RARB: variants seen among roughly 807,000 people sequenced by gnomAD.
RARB encodes the protein retinoic acid receptor beta, also known as HBV-activated protein.
Under a neutral mutation model 51.9 loss-of-function variants are expected in RARB, and 17 were observed. The ratio of observed to expected loss-of-function variants is 0.33; its 90% confidence interval spans 0.22 to 0.49. The LOEUF (loss-of-function observed/expected upper bound fraction) is 0.49, where lower values mean the gene tolerates loss of function less well. RARB is among the 20% of genes least tolerant of loss of function. The pLI, the probability that RARB is intolerant of heterozygous loss-of-function variation, is 0.99. For missense variants in RARB, 369 were observed against 550.8 expected (o/e 0.67, Z 3.30); for synonymous variants, 215 against 195.4 (o/e 1.10, Z -0.84).
intron 5 of RARB, among the ~76,000 whole-genome samples, chr3:25,290,497 T>A (rs1575287357): frequency 6.6e-6 from 1 of 152,170 alleles, no homozygotes; most frequent in South Asian, 2.1e-4. Flanking sequence ...ATGGCAGCCC[T>A]AGCAAACTAA....
intron 5 of RARB, among the ~76,000 whole-genome samples, chr3:25,284,611 T>C (rs1703605162): frequency 6.6e-6 from 1 of 152,090 alleles, no homozygotes; most frequent in Non-Finnish European, 1.5e-5. Flanking sequence ...CAGCAACCCA[T>C]AAATCCCTGC....
intron 5 of RARB, among the ~76,000 whole-genome samples, chr3:25,394,460 T>G (rs771890553): frequency 5.3e-5 from 8 of 152,172 alleles, no homozygotes; most frequent in Non-Finnish European, 1.2e-4. Flanking sequence ...TTGTTGACTT[T>G]CTGTGTTGAT....
At chr3:25,193,013 A>G (rs2363531) in intron 5 of RARB, among the ~76,000 whole-genome samples, 3,282 of 152,160 alleles carry the variant, frequency 0.022, 110 homozygotes, top group African/African-American at 0.075. Flanking sequence ...TTGTAGGTGG[A>G]AAAAGCAAGA....
intron 5 of RARB, among the ~76,000 whole-genome samples, chr3:25,357,091 CTG>C (rs1451647277): frequency 6.6e-6 from 1 of 152,214 alleles, no homozygotes; most frequent in Non-Finnish European, 1.5e-5. Flanking sequence ...AATCACCACA[CTG>C]TTTCCCACAA....
At position 25,264,699 on chromosome 3, in the gene RARB, A is replaced by G. The variant is rs186552062; in HGVS notation, c.178+90124A>G. 8.5e-5 allele frequency among the ~76,000 whole-genome samples: 13 copies of G among 152,300 alleles called. No individual in the cohort carries two copies. In the East Asian group the frequency reaches 2.1e-3, roughly 25 times the overall value. On this transcript the variant is annotated intron_variant, in intron 5 of 11. Transcript: ENST00000383772. ...TGGCATTTTTCCTAAACTCTTACCC[A>G]TAAGAATCCTACTAATAATATGGGA... is the stretch of plus-strand genomic sequence containing the variant.
intron 2 of RARB, among the ~76,000 whole-genome samples, chr3:25,468,291 G>C (rs1030599991): frequency 6.7e-6 from 1 of 149,922 alleles, no homozygotes; most frequent in Non-Finnish European, 1.5e-5. Context: ...GAGGTCTCCA[G>C]TGTTTGTACG....
At chr3:25,350,762 A>T (rs1229010272) in intron 5 of RARB, among the ~76,000 whole-genome samples, 2 of 152,232 alleles carry the variant, frequency 1.3e-5, no homozygotes, top group Non-Finnish European at 2.9e-5. Flanking sequence ...GAATCTGCAT[A>T]TGAGAATACG....
At chr3:25,509,766 A>T (rs547407255) in intron 3 of RARB, among the ~76,000 whole-genome samples, 1 of 152,152 alleles carries the variant, frequency 6.6e-6, no homozygotes, top group East Asian at 1.9e-4. Flanking sequence ...TGAGGCCATC[A>T]GGGTCTTCCA....
chr3:25,086,403 G>C (rs1473952891), intron 3 of RARB, among the ~76,000 whole-genome samples: 1 of 152,140 alleles, frequency 6.6e-6, no homozygotes, highest in Non-Finnish European at 1.5e-5. Context: ...AACGTAAGAA[G>C]GTGATTGAGG....
At chr3:24,957,938 C>A (rs763877416) in intron 2 of RARB, among the ~76,000 whole-genome samples, 3 of 152,146 alleles carry the variant, frequency 2.0e-5, no homozygotes, top group Non-Finnish European at 4.4e-5. Context: ...TAAAATACAA[C>A]CAACAGTTAG....
chr3:25,118,486 C>G (rs1379084637), intron 3 of RARB, among the ~76,000 whole-genome samples: 1 of 152,102 alleles, frequency 6.6e-6, no homozygotes, highest in Non-Finnish European at 1.5e-5. Flanking sequence ...ACCACTTTGT[C>G]TGAGCAAAGA....
intron 1 of RARB, among the ~76,000 whole-genome samples, chr3:24,833,454 G>C (rs1485516730): frequency 1.3e-5 from 2 of 152,026 alleles, no homozygotes; most frequent in African/African-American, 4.8e-5. Flanking sequence ...TCATTCTCAT[G>C]GTTTTAAGTC....
chr3:25,288,820 G>A (rs901173156), intron 5 of RARB, among the ~76,000 whole-genome samples: 1 of 151,676 alleles, frequency 6.6e-6, no homozygotes, highest in African/African-American at 2.4e-5. Flanking sequence ...AATTGTCCCT[G>A]TAGAAATTTG....
chr3:25,422,768 T>C (rs1256159861), intron 5 of RARB, among the ~76,000 whole-genome samples: 1 of 151,882 alleles, frequency 6.6e-6, no homozygotes. Flanking sequence ...TGAAACTGAA[T>C]TAAGCTTTTA....
chr3:25,566,648 G>A (rs778038710), intron 3 of RARB, among the ~76,000 whole-genome samples: 2 of 152,158 alleles, frequency 1.3e-5, no homozygotes, highest in Non-Finnish European at 2.9e-5. Context: ...CATGGTGACA[G>A]CTCACAGTGT....
At chr3:25,011,187 A>G (rs947980153) in intron 2 of RARB, among the ~76,000 whole-genome samples, 2 of 152,146 alleles carry the variant, frequency 1.3e-5, no homozygotes, top group Non-Finnish European at 2.9e-5. Context: ...CTTACATTCT[A>G]GCAAAAGGGA....
rs1695954231 is a variant in RARB, at chr3:24,953,960, ACTTT to A, written c.-380+95213_-380+95216del. On this transcript the variant is annotated intron_variant, in intron 2 of 11. Coordinates refer to the RARB transcript ENST00000383772. ...AGTAAATCGAGCTTTGTTTGTTCTT[ACTTT>A]CTTTTCTGAGCGCTCAGATGAGTTT... Among the ~76,000 whole-genome samples, 3 of 152,140 alleles carry A rather than the reference ACTTT, an allele frequency of 2.0e-5. No homozygotes were observed. In the South Asian group the frequency reaches 6.2e-4, roughly 32 times the overall value.
intron 5 of RARB, among the ~76,000 whole-genome samples, chr3:25,387,182 C>G (rs1373507401): frequency 6.6e-6 from 1 of 152,158 alleles, no homozygotes; most frequent in Admixed American, 6.5e-5. Context: ...AACAGAAACC[C>G]AGCAGGAGAA....
chr3:24,999,034 C>G (rs561204657), intron 2 of RARB, among the ~76,000 whole-genome samples: 1 of 152,078 alleles, frequency 6.6e-6, no homozygotes, highest in South Asian at 2.1e-4. Context: ...CCTAATGGGC[C>G]CAGCTGGAAT....
Sources: gnomAD v4.1 joint callset for allele counts (sites outside exome capture counted in the v4.1 genomes callset) on GRCh38, gnomAD v4.1.1 for gene constraint, MANE v1.5 for transcripts, NCBI Gene and HGNC (gene_info 2026-07-23, HGNC 2026-07-21) for gene names.